Variants in SLC26A3 observed in about 807,000 individuals in gnomAD.
The protein encoded by SLC26A3 is solute carrier family 26 member 3, also known as chloride anion exchanger.
In SLC26A3, 64 loss-of-function variants were observed where a neutral mutation model predicts 85.6. The ratio of observed to expected loss-of-function variants is 0.75; its 90% CI spans 0.61 to 0.92. The LOEUF is 0.92. SLC26A3 is among the 40% of genes least tolerant of loss of function. The pLI is 0.00. For synonymous variants in SLC26A3, 349 were observed against 336.0 expected, an observed-to-expected ratio of 1.04 and a Z score of -0.42; for missense variants, 922 against 927.3, an observed-to-expected ratio of 0.99 and a Z score of 0.07.
chr7:107,794,279 G>C, intron 2 of SLC26A3, 100 bp downstream of exon 2: 1 of 1,338,090 alleles, frequency 7.5e-7, no homozygotes, highest in Non-Finnish European at 1.1e-6. Context: ...ACTGTAGGCT[G>C]TGGACTAGAG....
At chr7:107,791,606 C>T (rs950037949) in intron 4 of SLC26A3, among the ~76,000 whole-genome samples, 99 of 149,886 alleles carry the variant, frequency 6.6e-4, no homozygotes, top group African/African-American at 2.3e-3. Context: ...GAGCAAAACT[C>T]CGTCTCAAAA....
At chr7:107,800,955 G>A (rs1455256981) in intron 1 of SLC26A3, among the ~76,000 whole-genome samples, 1 of 152,212 alleles carries the variant, frequency 6.6e-6, no homozygotes, top group Non-Finnish European at 1.5e-5. Flanking sequence ...AGAAGGCTTT[G>A]TTGGCCCATA....
At chr7:107,779,612 G>A (rs1794183182) in intron 12 of SLC26A3, 56 bp downstream of exon 12, 3 of 1,307,214 alleles carry the variant, frequency 2.3e-6, no homozygotes, top group Admixed American at 1.7e-5. Context: ...TTTCACATTA[G>A]CATTAAAATG....
At chr7:107,779,907 C>T in intron 11 of SLC26A3, 144 bp from the exon 12 acceptor site, 1 of 715,146 alleles carries the variant, frequency 1.4e-6, no homozygotes, top group South Asian at 1.5e-5. Context: ...TGTGCGATGC[C>T]ACGCAAGACA....
intron 13 of SLC26A3, among the ~76,000 whole-genome samples, chr7:107,777,374 C>T (rs1432273567): frequency 6.6e-6 from 1 of 152,104 alleles, no homozygotes; most frequent in Non-Finnish European, 1.5e-5. Flanking sequence ...TCGGGCGGAT[C>T]ACCCAAAGTC....
At chr7:107,789,249 T>C (rs1321268524) in intron 6 of SLC26A3, among the ~76,000 whole-genome samples, 2 of 151,718 alleles carry the variant, frequency 1.3e-5, no homozygotes, top group South Asian at 2.1e-4. Context: ...CTGGAGTAGC[T>C]GGGACTACAG....
intron 4 of SLC26A3, among the ~76,000 whole-genome samples, chr7:107,791,542 G>T (rs1459749460): frequency 6.6e-6 from 1 of 152,068 alleles, no homozygotes; most frequent in African/African-American, 2.4e-5. Flanking sequence ...AACCTGGGAG[G>T]TGGAGGTTGC....
intron 1 of SLC26A3, among the ~76,000 whole-genome samples, chr7:107,796,994 G>T (rs778064896): frequency 2.6e-5 from 4 of 151,744 alleles, no homozygotes; most frequent in Non-Finnish European, 5.9e-5. Flanking sequence ...TTTTTTTGCC[G>T]ATGACAGTGA....
At chr7:107,781,800 G>A (rs933678936) in intron 11 of SLC26A3, among the ~76,000 whole-genome samples, 7 of 152,112 alleles carry the variant, frequency 4.6e-5, no homozygotes, top group African/African-American at 1.2e-4. Flanking sequence ...AGGAAAAAAG[G>A]CCTAGGTAAC....
At position 107,765,929 on chromosome 7, in the gene SLC26A3, A is replaced by G. The variant is rs746595361; in HGVS notation, c.2272-51T>C. On this transcript the variant is annotated intron_variant, in intron 20 of 20. Transcript: ENST00000340010. The stretch of plus-strand genomic sequence containing the variant: ...TTTAAAATACTCGTCAAGTTCTGTT[A>G]CAATAATCACATCTTAGGAGCTAGA... The G allele has an allele frequency of 2.7e-6, 4 of 1,498,964 alleles. No individual in the cohort carries two copies. The Admixed American group carries it at 5.0e-5, about 19-fold the overall frequency. The allele number at this position is 1,498,964 out of a possible 1,614,324, so 92.9% of individuals were successfully genotyped here.
rs116517039 is a variant in SLC26A3, at chr7:107,776,342, C to T, written c.1677+110G>A. ...GACAAAAAATACTGACACAACCCCA[C>T]CTCAACATATGTGACACAACCCAGT... is the stretch of plus-strand genomic sequence containing the variant. On this transcript the variant is annotated intron_variant, in intron 15 of 20. Coordinates refer to ENST00000340010, the MANE Select transcript of SLC26A3 (RefSeq NM_000111.3). 4.5e-5 allele frequency: 41 copies of T among 912,320 alleles called. No homozygotes were observed. In the African/African-American group the frequency reaches 6.0e-4, roughly 13 times the overall value. 56.5% of individuals were successfully genotyped at this position (912,320 alleles called of 1,614,324 possible).
intron 15 of SLC26A3, among the ~76,000 whole-genome samples, chr7:107,775,476 GCACTTTGGGAGGCCGAGGT>G (rs1794096173): frequency 6.6e-6 from 1 of 152,028 alleles, no homozygotes; most frequent in South Asian, 2.1e-4. Context: ...TCTAATCCTA[GCACTTTGGGAGGCCGAGGT>G]GGGAGGATTG....
intron 8 of SLC26A3, among the ~76,000 whole-genome samples, chr7:107,783,950 G>A (rs892460294): frequency 5.9e-5 from 9 of 152,160 alleles, no homozygotes; most frequent in African/African-American, 1.7e-4. Flanking sequence ...CTCACAGGGC[G>A]TACTTCTGTG....
intron 18 of SLC26A3, among the ~76,000 whole-genome samples, chr7:107,770,048 T>TTCTC (rs1211729105): frequency 1.6e-5 from 2 of 122,516 alleles, no homozygotes. Context: ...CTTTCTTTCT[T>TTCTC]TCTCTTTTCT....
Position 107,780,742 on chromosome 7 carries a change from T to C in SLC26A3, c.1312-979A>G, listed in dbSNP as rs532745583. On this transcript the variant is annotated intron_variant, in intron 11 of 20. Transcript: ENST00000340010. ...CAATTAATTTTACTAACTGTGAGAA[T>C]AGAGGTCACAGTTTAGAAGAAATAT... Among the ~76,000 whole-genome samples the C allele has an allele frequency of 5.9e-5, 9 of 152,322 alleles. No homozygotes were observed. In the South Asian group the frequency reaches 1.7e-3, roughly 28 times the overall value.
chr7:107,796,162 C>T (rs1188098397), intron 1 of SLC26A3, among the ~76,000 whole-genome samples: 2 of 151,870 alleles, frequency 1.3e-5, no homozygotes, highest in African/African-American at 2.4e-5. Flanking sequence ...GGGTAGAGTG[C>T]AGTGGTGCAA....
intron 19 of SLC26A3, 24 bp downstream of exon 19, chr7:107,767,742 T>C: frequency 6.2e-7 from 1 of 1,613,724 alleles, no homozygotes; most frequent in Non-Finnish European, 8.5e-7. Context: ...TATGCAATTG[T>C]GAAAGTCACC....
At chr7:107,767,718 T>A (rs1315692849) in intron 19 of SLC26A3, 48 bp downstream of exon 19, 1 of 1,611,562 alleles carries the variant, frequency 6.2e-7, no homozygotes, top group Admixed American at 1.7e-5. Context: ...ATTTAAGGAG[T>A]GCAGATGGCT....
At position 107,794,608 on chromosome 7, in the gene SLC26A3, A is replaced by G. The variant is rs1488721945; in HGVS notation, c.-88-11T>C. Reference sequence around the variant, plus strand: ...GCAGGTTAAAAATGCCTGAAACCAAACAGAGCTTGCTTCTTAAATAACTCA... The same window carrying G: ...GCAGGTTAAAAATGCCTGAAACCAAGCAGAGCTTGCTTCTTAAATAACTCA... On this transcript the variant is annotated splice_polypyrimidine_tract_variant and intron_variant, in intron 1 of 20. Coordinates refer to ENST00000340010, the MANE Select transcript of SLC26A3 (RefSeq NM_000111.3). The G allele has an allele frequency of 2.3e-6, 3 of 1,287,402 alleles. 1 individual carries two copies. In the Admixed American group the frequency reaches 5.1e-5, roughly 22 times the overall value. 79.7% of individuals were successfully genotyped at this position (1,287,402 alleles called of 1,614,324 possible). A position where few individuals can be genotyped will look rare whatever the true frequency, so the allele number is the denominator to read the frequency against.
Sources: gnomAD v4.1 joint callset for allele counts (sites outside exome capture counted in the v4.1 genomes callset) on GRCh38, gnomAD v4.1.1 for gene constraint, MANE v1.5 for transcripts, NCBI Gene and HGNC (gene_info 2026-07-23, HGNC 2026-07-21) for gene names.